SLC4A1: variants seen among roughly 807,000 people sequenced by gnomAD.
The protein encoded by SLC4A1 is solute carrier family 4 member 1 (Diego blood group), also known as band 3 anion transport protein.
A neutral mutation model predicts 93.1 loss-of-function variants in SLC4A1; 29 were observed. That is an observed-to-expected ratio of 0.31 (90% CI 0.23 to 0.42). The LOEUF is 0.42. Ranked by LOEUF, SLC4A1 falls within the 20% of genes least tolerant of loss-of-function variation. SLC4A1 has a pLI of 1.00. For synonymous variants in SLC4A1, 469 were observed against 497.2 expected (o/e 0.94, Z 0.76); for missense variants, 965 against 1,190.1 (o/e 0.81, Z 2.78).
intron 19 of SLC4A1, among the ~76,000 whole-genome samples, chr17:44,250,793 G>A (rs1303916705): frequency 1.3e-5 from 2 of 152,190 alleles, no homozygotes; most frequent in African/African-American, 4.8e-5. Context: ...TCACCAAGGC[G>A]GCCCCACAGT....
Position 44,250,073 on chromosome 17 carries a change from G to C in SLC4A1, c.*385C>G, listed in dbSNP as rs1319621416. ...AGGAAATATAGGCTGGAAAGGTCAA[G>C]GGACTTGCCCAAGGTCACACAGCAA... On this transcript the variant is annotated 3_prime_UTR_variant, in exon 20 of 20. Coordinates refer to ENST00000262418, the MANE Select transcript of SLC4A1 (RefSeq NM_000342.4). The C allele has an allele frequency of 3.3e-6, 1 of 301,208 alleles. No homozygotes were observed. The highest frequency in any genetic ancestry group is 2.1e-5 in the African/African-American group (1 of 46,768). 18.7% of individuals were successfully genotyped at this position (301,208 alleles called of 1,614,324 possible).
intron 1 of SLC4A1, among the ~76,000 whole-genome samples, chr17:44,264,800 T>G (rs1379861572): frequency 6.6e-6 from 1 of 151,946 alleles, no homozygotes; most frequent in Non-Finnish European, 1.5e-5. Context: ...CCCAGGAATG[T>G]GAGGGCAGGT....
At position 44,255,837 on chromosome 17, in the gene SLC4A1, C is replaced by T; in HGVS notation, c.1636G>A (p.Asp546Asn). Residue 546 changes from aspartate to asparagine, a missense_variant, in exon 14 of 20, where the codon GAC (aspartate) becomes AAC (asparagine). Coordinates refer to ENST00000262418, the MANE Select transcript of SLC4A1 (RefSeq NM_000342.4). ...TTATAAGTCTTCTGTAGTGGGTGGTCCTGGAAGATCTGCAGCAGAAAACCA... is the reference window on the plus strand; with the variant it reads ...TTATAAGTCTTCTGTAGTGGGTGGTTCTGGAAGATCTGCAGCAGAAAACCA... ...TFSKLIKIFQ[D>N]HPLQKTYNYN... 6.2e-7 allele frequency: 1 copy of T among 1,614,080 alleles called. No homozygotes were observed. Among genetic ancestry groups the T allele is most frequent in the East Asian group, 2.2e-5 (1 of 44,888 alleles).
intron 16 of SLC4A1, among the ~76,000 whole-genome samples, chr17:44,253,872 A>G (rs1598297085): frequency 6.6e-6 from 1 of 150,544 alleles, no homozygotes; most frequent in African/African-American, 2.5e-5. Flanking sequence ...GGGTTTCACC[A>G]TATTAGTCAG....
Position 44,260,642 on chromosome 17 carries a change from G to A in SLC4A1, c.342C>T (p.Phe114=). Residue 114 remains phenylalanine (F), a synonymous_variant, in exon 5 of 20, where the codon TTC becomes TTT. Transcript: ENST00000262418. ...AGGGCCCAGGAGGCTCACCCTTGGT[G>A]AAGACTCTACGCAGCTCTAGGAGGC... ...FWSLLELRRV[F]TKGTVLLDLQ... The A allele has an allele frequency of 3.1e-6, 5 of 1,614,136 alleles. No individual in the cohort carries two copies. Among genetic ancestry groups the A allele is most frequent in the Non-Finnish European group, 4.2e-6 (5 of 1,179,986 alleles).
intron 7 of SLC4A1, 54 bp from the exon 8 acceptor site, chr17:44,259,635 C>G: frequency 6.6e-7 from 1 of 1,523,530 alleles, no homozygotes; most frequent in African/African-American, 1.4e-5. Flanking sequence ...ACCTGGGAGA[C>G]CTGAGCATCC....
chr17:44,257,596 A>G lies in SLC4A1; in HGVS notation c.1432-52T>C, dbSNP rs767711965. 6 of 1,613,142 alleles carry G rather than the reference A, an allele frequency of 3.7e-6. No homozygotes were observed. In the South Asian group the frequency reaches 6.6e-5, roughly 18 times the overall value. On this transcript the variant is annotated intron_variant, in intron 12 of 19. Coordinates refer to ENST00000262418, the MANE Select transcript of SLC4A1 (RefSeq NM_000342.4). The stretch of plus-strand genomic sequence containing the variant: ...CAGTCAAAGGGTCTTGGGGCAAGGC[A>G]CCATGCATCAGGCAGGTGGTGCGGG...
chr17:44,267,802 C>CG (rs1452548200), intron 1 of SLC4A1, among the ~76,000 whole-genome samples: 1 of 152,106 alleles, frequency 6.6e-6, no homozygotes, highest in Non-Finnish European at 1.5e-5. Context: ...AGATACCCCC[C>CG]GCAACACACG....
chr17:44,263,000 A>G, intron 1 of SLC4A1, 66 bp from the exon 2 acceptor site: 1 of 1,343,464 alleles, frequency 7.4e-7, no homozygotes, highest in East Asian at 2.3e-5. Context: ...CCTCCTCCAG[A>G]GGGGGCCACA....
chr17:44,254,456 C>CG, intron 16 of SLC4A1, 40 bp downstream of exon 16: 2 of 1,502,338 alleles, frequency 1.3e-6, no homozygotes, highest in Non-Finnish European at 1.8e-6. Context: ...AGGTCCCTGC[C>CG]TCCCACCCTC....
intron 9 of SLC4A1, 108 bp downstream of exon 9, chr17:44,259,055 G>C (rs999303237): frequency 2.6e-6 from 3 of 1,174,376 alleles, no homozygotes; most frequent in East Asian, 2.5e-5. Context: ...AGGCTGAATG[G>C]GTCAAACCAG....
At chr17:44,254,758 G>C (rs895951318) in intron 15 of SLC4A1, 96 bp from the exon 16 acceptor site, 30 of 1,110,686 alleles carry the variant, frequency 2.7e-5, no homozygotes, top group South Asian at 1.7e-4. Flanking sequence ...GGGCAGTTAG[G>C]TTGGAGGCAC....
chr17:44,250,512 G>A lies in SLC4A1; in HGVS notation c.2682C>T (p.Thr894=). ...QCLDADDAKA[T]FDEEEGRDEY... is the part of the protein sequence containing the mutation. Reference sequence around the variant, plus strand: ...CATCCCGACCTTCCTCCTCATCAAAGGTTGCCTTGGCATCATCAGCATCCA... The same window carrying A: ...CATCCCGACCTTCCTCCTCATCAAAAGTTGCCTTGGCATCATCAGCATCCA... Residue 894 remains threonine, a synonymous_variant, in exon 20 of 20, where the codon ACC becomes ACT. Transcript: ENST00000262418. 1 of 1,613,924 alleles carries A rather than the reference G, an allele frequency of 6.2e-7. No individual in the cohort carries two copies. Among genetic ancestry groups the A allele is most frequent in the Non-Finnish European group, 8.5e-7 (1 of 1,179,950 alleles).
At chr17:44,253,033 C>T in intron 17 of SLC4A1, 85 bp downstream of exon 17, 2 of 1,442,230 alleles carry the variant, frequency 1.4e-6, no homozygotes, top group Admixed American at 1.7e-5. Context: ...GGAGGAGGTG[C>T]TGGGTCCGAA....
In SLC4A1 at chr17:44,250,430, G is replaced by C. The variant is rs1254937528; in HGVS notation, c.*28C>G. 1.3e-6 allele frequency: 2 copies of C among 1,569,792 alleles called. No homozygotes were observed. Among genetic ancestry groups the C allele is most frequent in the Non-Finnish European group, 1.8e-6 (2 of 1,140,212 alleles). Reference sequence around the variant, plus strand: ...GGAAGGTGGGGATGTGGAATGGTGGGGGAGGGTCTAGGGCCTGGGCCCGCC... The same window carrying C: ...GGAAGGTGGGGATGTGGAATGGTGGCGGAGGGTCTAGGGCCTGGGCCCGCC... On this transcript the variant is annotated 3_prime_UTR_variant, in exon 20 of 20. Transcript: ENST00000262418.
chr17:44,254,841 C>T (rs993534458), intron 15 of SLC4A1, among the ~76,000 whole-genome samples, 179 bp from the exon 16 acceptor site: 2 of 152,198 alleles, frequency 1.3e-5, no homozygotes, highest in South Asian at 2.1e-4. Flanking sequence ...TCCATCTGCT[C>T]GTTCCCCACT....
In SLC4A1 at chr17:44,258,886, C is replaced by G. The variant is rs1382445519; in HGVS notation, c.877-263G>C. Among the ~76,000 whole-genome samples, 2 of 152,172 alleles carry G rather than the reference C, an allele frequency of 1.3e-5. No individual in the cohort carries two copies. Among genetic ancestry groups the G allele is most frequent in the African/African-American group, 4.8e-5 (2 of 41,426 alleles). Reference sequence around the variant, plus strand: ...GCAGACTAGATGAAACTAGAGCTGACTAGGCCCGACCAAGCCTGACCTGAC... The same window carrying G: ...GCAGACTAGATGAAACTAGAGCTGAGTAGGCCCGACCAAGCCTGACCTGAC... On this transcript the variant is annotated intron_variant, in intron 9 of 19. Transcript: ENST00000262418. The surrounding 1 kb of genome is among the most constrained non-coding windows in gnomAD (Gnocchi z 6.1).
chr17:44,262,898 T>A lies in SLC4A1; in HGVS notation c.-32A>T. ...GTCCTGAGTGTCCAGTTGTCTACGG[T>A]GATCTGAGCCCCCAGCATAACCCGC... On this transcript the variant is annotated 5_prime_UTR_variant, in exon 2 of 20. Transcript: ENST00000262418. The A allele has an allele frequency of 6.2e-7, 1 of 1,613,894 alleles. No homozygotes were observed. The highest frequency in any genetic ancestry group is 8.5e-7 in the Non-Finnish European group (1 of 1,180,008).
intron 18 of SLC4A1, 23 bp downstream of exon 18, chr17:44,251,396 G>T: frequency 6.2e-7 from 1 of 1,614,228 alleles, no homozygotes; most frequent in African/African-American, 1.3e-5. Flanking sequence ...CCCAGGCTGG[G>T]CAGCCAGAAA....
Sources: allele counts gnomAD v4.1 joint callset (sites outside exome capture counted in the v4.1 genomes callset), GRCh38; gene constraint gnomAD v4.1.1; non-coding constraint Gnocchi (gnomAD v3.1); transcripts MANE v1.5; gene names NCBI Gene and HGNC (gene_info 2026-07-23, HGNC 2026-07-21).